The following ADAMTS17 variants were observed in gnomAD, a reference collection of about 807,000 sequenced individuals.
ADAMTS17 encodes A disintegrin and metalloproteinase with thrombospondin motifs 17.
Under a neutral mutation model 141.5 loss-of-function variants are expected in ADAMTS17, and 113 were observed. The ratio of observed to expected loss-of-function variants is 0.80; its 90% CI spans 0.69 to 0.93. The LOEUF is 0.93. Ranked by LOEUF, ADAMTS17 falls within the 40% of genes least tolerant of loss-of-function variation. ADAMTS17 has a pLI of 0.00. For missense variants in ADAMTS17, 1,659 were observed against 1,517.9 expected (o/e 1.09, Z -1.54); for synonymous variants, 768 against 630.6 (o/e 1.22, Z -3.27).
At chr15:100,011,178 C>T (rs74036685) in intron 18 of ADAMTS17, among the ~76,000 whole-genome samples, 1 of 145,930 alleles carries the variant, frequency 6.9e-6, no homozygotes, top group Non-Finnish European at 1.5e-5. Context: ...GATGGGTGAT[C>T]AGCCAGGGTC....
intron 12 of ADAMTS17, among the ~76,000 whole-genome samples, chr15:100,124,150 G>A (rs967695755): frequency 3.3e-5 from 5 of 151,962 alleles, no homozygotes; most frequent in Non-Finnish European, 7.4e-5. Context: ...ATTTTTAGTA[G>A]AGATGGGGTC....
intron 15 of ADAMTS17, among the ~76,000 whole-genome samples, chr15:100,058,186 A>C (rs1224578794): frequency 4.0e-3 from 84 of 21,180 alleles, no homozygotes; most frequent in Non-Finnish European, 6.6e-3. Context: ...CGGCTCTAAC[A>C]CCCCTATCCC....
intron 7 of ADAMTS17, among the ~76,000 whole-genome samples, chr15:100,225,533 G>T (rs56074047): frequency 9.8e-4 from 108 of 110,144 alleles, no homozygotes; most frequent in South Asian, 1.6e-3. Context: ...TCTGTGCCAT[G>T]CAGTCCTTAT....
At chr15:100,175,583 G>A (rs1001104202) in intron 8 of ADAMTS17, among the ~76,000 whole-genome samples, 5 of 152,174 alleles carry the variant, frequency 3.3e-5, no homozygotes, top group African/African-American at 9.7e-5. Context: ...ACCCCAGGGC[G>A]TGATGGAGAC....
At chr15:100,118,052 T>C (rs1304366954) in intron 12 of ADAMTS17, among the ~76,000 whole-genome samples, 1 of 152,144 alleles carries the variant, frequency 6.6e-6, no homozygotes. Flanking sequence ...AGGGGAGAGA[T>C]GTAACAGCAG....
intron 2 of ADAMTS17, among the ~76,000 whole-genome samples, chr15:100,340,442 T>C (rs2046329352): frequency 6.6e-6 from 1 of 152,092 alleles, no homozygotes; most frequent in African/African-American, 2.4e-5. Context: ...TGCCTACTAA[T>C]AGTATAAGGA....
rs78953394 is a variant in ADAMTS17, at chr15:100,166,151, A to G, written c.1182-10831T>C. Among the ~76,000 whole-genome samples, 138 of 152,294 alleles carry G rather than the reference A, an allele frequency of 9.1e-4. 4 individuals carry two copies. The East Asian group carries it at 0.024, about 26-fold the overall frequency. ...GCATCATGACGGTCTTACATTTCCT[A>G]TTAGCATCATTCTTGGGTATTTCAT... On this transcript the variant is annotated intron_variant, in intron 8 of 21. Coordinates refer to ENST00000268070, the MANE Select transcript of ADAMTS17 (RefSeq NM_139057.4).
chr15:100,018,293 G>T (rs1284837188), intron 18 of ADAMTS17, among the ~76,000 whole-genome samples: 3 of 152,084 alleles, frequency 2.0e-5, no homozygotes, highest in African/African-American at 7.3e-5. Flanking sequence ...AAGACAAATT[G>T]CCTAATCAGA....
intron 4 of ADAMTS17, among the ~76,000 whole-genome samples, chr15:100,264,153 C>A (rs1437934874): frequency 6.6e-6 from 1 of 152,224 alleles, no homozygotes; most frequent in Non-Finnish European, 1.5e-5. Context: ...TTTCCAAAAT[C>A]TCCTTTCCTC....
chr15:99,979,565 C>A (rs111572066), intron 20 of ADAMTS17: 1 of 148,684 alleles, frequency 6.7e-6, no homozygotes, highest in Non-Finnish European at 1.5e-5. Context: ...CAAAACCACG[C>A]GAGTGGTCCA....
intron 18 of ADAMTS17, among the ~76,000 whole-genome samples, chr15:100,048,589 ATTTTTTTTTT>A (rs3062438): frequency 7.6e-5 from 7 of 92,356 alleles, no homozygotes; most frequent in Admixed American, 3.5e-4. Flanking sequence ...GGTGATGGCC[ATTTTTTTTTT>A]TTTTTTTTTT....
intron 7 of ADAMTS17, among the ~76,000 whole-genome samples, chr15:100,234,383 G>A (rs891825476): frequency 6.6e-6 from 1 of 152,212 alleles, no homozygotes; most frequent in Non-Finnish European, 1.5e-5. Context: ...GTCCAGTCCT[G>A]ATGCTACCAG....
intron 3 of ADAMTS17, among the ~76,000 whole-genome samples, chr15:100,293,077 T>C (rs546373278): frequency 6.6e-6 from 1 of 152,354 alleles, no homozygotes; most frequent in African/African-American, 2.4e-5. Context: ...AAAATTAAAA[T>C]ACTCATCAAA....
At chr15:100,106,073 T>C (rs1181596061) in intron 14 of ADAMTS17, among the ~76,000 whole-genome samples, 3 of 152,128 alleles carry the variant, frequency 2.0e-5, no homozygotes, top group African/African-American at 7.2e-5. Flanking sequence ...CTCGATTCAC[T>C]GCAAACTCTG....
chr15:100,059,117 C>T (rs571158738), intron 15 of ADAMTS17, among the ~76,000 whole-genome samples: 9 of 152,314 alleles, frequency 5.9e-5, no homozygotes, highest in Admixed American at 3.3e-4. Flanking sequence ...GGCACTCCAA[C>T]GAATTCTGAA....
chr15:100,164,482 T>C (rs2039867305), intron 8 of ADAMTS17, among the ~76,000 whole-genome samples: 1 of 152,186 alleles, frequency 6.6e-6, no homozygotes, highest in South Asian at 2.1e-4. Flanking sequence ...GTTTACATTC[T>C]CTAAGGGAAT....
chr15:100,080,169 G>A (rs137962953), intron 15 of ADAMTS17, among the ~76,000 whole-genome samples: 9 of 152,168 alleles, frequency 5.9e-5, no homozygotes, highest in East Asian at 1.9e-4. Context: ...CTGTTCCCCC[G>A]ACATTACATT....
chr15:100,327,194 TAC>T (rs1460032433), intron 3 of ADAMTS17, among the ~76,000 whole-genome samples: 16 of 152,222 alleles, frequency 1.1e-4, no homozygotes, highest in African/African-American at 3.4e-4. Flanking sequence ...AACTGTGCAC[TAC>T]AGAGGATATA....
Position 99,993,807 on chromosome 15 carries a change from T to A in ADAMTS17, c.2797-607A>T, listed in dbSNP as rs577621296. 1.3e-5 allele frequency among the ~76,000 whole-genome samples: 2 copies of A among 152,080 alleles called. No homozygotes were observed. Among genetic ancestry groups the A allele is most frequent in the South Asian group, 4.2e-4 (2 of 4,786 alleles). On this transcript the variant is annotated intron_variant, in intron 19 of 21. Coordinates refer to ENST00000268070, the MANE Select transcript of ADAMTS17 (RefSeq NM_139057.4). The surrounding 1 kb of genome is among the most constrained non-coding windows in gnomAD (Gnocchi z 4.3). ...GTCTGAATGCAGACACCAAGAATGG[T>A]GACAGACGCATGGCCCCTGTGGTAG... is the stretch of plus-strand genomic sequence containing the variant.
Sources: allele counts gnomAD v4.1 joint callset (sites outside exome capture counted in the v4.1 genomes callset), GRCh38; gene constraint gnomAD v4.1.1; non-coding constraint Gnocchi (gnomAD v3.1); transcripts MANE v1.5; gene names NCBI Gene and HGNC (gene_info 2026-07-23, HGNC 2026-07-21).